Variants in SLCO5A1 observed in about 807,000 individuals in gnomAD.
SLCO5A1 encodes solute carrier organic anion transporter family member 5A1, also known as organic anion transporter polypeptide-related protein 4.
In SLCO5A1, 39 loss-of-function variants were observed where a neutral mutation model predicts 65.1. The ratio of observed to expected loss-of-function variants is 0.60; its 90% CI spans 0.46 to 0.78. The LOEUF is 0.78. Among genes scored for constraint, SLCO5A1 ranks in the 30% least tolerant of loss-of-function variants. The probability of loss-of-function intolerance (pLI) is 0.00; values close to 1 mark genes in which losing one functional copy is unlikely to be tolerated. For synonymous variants in SLCO5A1, 438 were observed against 415.7 expected, an observed-to-expected ratio of 1.05 and a Z score of -0.65; for missense variants, 1,029 against 1,069.4, an observed-to-expected ratio of 0.96 and a Z score of 0.53.
intron 2 of SLCO5A1, among the ~76,000 whole-genome samples, chr8:69,808,998 G>A (rs969609098): frequency 2.6e-5 from 4 of 152,136 alleles, no homozygotes; most frequent in African/African-American, 9.7e-5. Flanking sequence ...CAGCTACTCG[G>A]GAGGCTGAGG....
At chr8:69,673,845 A>G (rs1034446573) in intron 9 of SLCO5A1, among the ~76,000 whole-genome samples, 2 of 152,224 alleles carry the variant, frequency 1.3e-5, no homozygotes, top group African/African-American at 4.8e-5. Context: ...CAGAAACCAC[A>G]TAACATGGCA....
chr8:69,814,771 G>T (rs1241109493), intron 2 of SLCO5A1, among the ~76,000 whole-genome samples: 2 of 152,108 alleles, frequency 1.3e-5, no homozygotes, highest in African/African-American at 4.8e-5. Context: ...TATGGAATTA[G>T]CCCGTGTCCA....
chr8:69,790,718 G>C (rs897112511), intron 2 of SLCO5A1, among the ~76,000 whole-genome samples: 16 of 152,116 alleles, frequency 1.1e-4, no homozygotes, highest in African/African-American at 3.9e-4. Context: ...AGAATAATAT[G>C]CGGTTTTAAA....
At chr8:69,708,967 G>A (rs1355877065) in intron 5 of SLCO5A1, among the ~76,000 whole-genome samples, 1 of 152,158 alleles carries the variant, frequency 6.6e-6, no homozygotes, top group African/African-American at 2.4e-5. Context: ...ATAGACAACA[G>A]TATCAAGTGC....
At chr8:69,740,692 G>T (rs1452647491) in intron 4 of SLCO5A1, among the ~76,000 whole-genome samples, 1 of 152,132 alleles carries the variant, frequency 6.6e-6, no homozygotes, top group Non-Finnish European at 1.5e-5. Context: ...CTTTACAACT[G>T]GAGCAGAGAT....
chr8:69,711,882 A>G (rs1815282180), intron 5 of SLCO5A1, among the ~76,000 whole-genome samples: 1 of 125,900 alleles, frequency 7.9e-6, no homozygotes, highest in African/African-American at 3.1e-5. Flanking sequence ...TTTAACAAGC[A>G]TGAATTTCAT....
intron 2 of SLCO5A1, among the ~76,000 whole-genome samples, chr8:69,828,578 G>A (rs35780212): frequency 0.025 from 3,725 of 151,848 alleles, 86 homozygotes; most frequent in Middle Eastern, 0.058. Context: ...CTCCAGCCTG[G>A]GCGACAGAGC....
intron 9 of SLCO5A1, among the ~76,000 whole-genome samples, chr8:69,675,224 G>T (rs891537650): frequency 4.0e-5 from 6 of 150,474 alleles, no homozygotes; most frequent in African/African-American, 1.5e-4. Flanking sequence ...GCCCAGGCTG[G>T]AGTACAGTGG....
chr8:69,796,133 T>A (rs1819486724), intron 2 of SLCO5A1, among the ~76,000 whole-genome samples: 1 of 152,236 alleles, frequency 6.6e-6, no homozygotes, highest in Non-Finnish European at 1.5e-5. Context: ...CATGAAGGTC[T>A]CTGAAGTGCC....
chr8:69,826,236 T>C (rs1172204771), intron 2 of SLCO5A1, among the ~76,000 whole-genome samples: 5 of 151,650 alleles, frequency 3.3e-5, no homozygotes, highest in African/African-American at 7.3e-5. Flanking sequence ...ACTTCATGTC[T>C]AAAACACCAA....
intron 5 of SLCO5A1, among the ~76,000 whole-genome samples, chr8:69,717,733 T>C (rs530521781): frequency 6.6e-6 from 1 of 152,350 alleles, no homozygotes; most frequent in Non-Finnish European, 1.5e-5. Flanking sequence ...TCCATGAACA[T>C]GCAATGTCTT....
chr8:69,794,397 G>T, intron 2 of SLCO5A1: 1 of 441,930 alleles, frequency 2.3e-6, no homozygotes. Flanking sequence ...GGTGAATTTA[G>T]ACACCATCAG....
intron 4 of SLCO5A1, among the ~76,000 whole-genome samples, chr8:69,742,268 T>C (rs1816816795): frequency 6.6e-6 from 1 of 152,208 alleles, no homozygotes; most frequent in Admixed American, 6.5e-5. Context: ...TAAACCTTCC[T>C]AAATTTGCAA....
intron 2 of SLCO5A1, among the ~76,000 whole-genome samples, chr8:69,821,996 G>A (rs1407720906): frequency 2.6e-5 from 4 of 151,590 alleles, no homozygotes; most frequent in Non-Finnish European, 5.9e-5. Flanking sequence ...CGTGGTGGCA[G>A]GTGCCTGTAA....
chr8:69,817,010 G>A (rs1281125710), intron 2 of SLCO5A1, among the ~76,000 whole-genome samples: 1 of 152,174 alleles, frequency 6.6e-6, no homozygotes, highest in Non-Finnish European at 1.5e-5. Flanking sequence ...AACCTGGACA[G>A]ATCTCTTAAT....
chr8:69,779,909 C>T (rs1444893788), intron 2 of SLCO5A1, among the ~76,000 whole-genome samples: 2 of 151,968 alleles, frequency 1.3e-5, no homozygotes, highest in African/African-American at 2.4e-5. Flanking sequence ...ATTATATATA[C>T]AACAGGGGAC....
rs759103704 is a variant in SLCO5A1 at position 69,755,589 on chromosome 8, T to C, written c.1093A>G (p.Met365Val). Residue 365 changes from methionine (M) to valine (V), a missense_variant, in exon 4 of 10, where the codon ATG (methionine) becomes GTG (valine). Met to Val is a conservative substitution (Grantham distance 21, BLOSUM62 1). This residue lies in a region of SLCO5A1 where 647 missense variants were observed against 647.5 expected (regional missense o/e 1.00). Transcript: ENST00000260126. ...AIAMFLVIFP[M>V]FTFPKKLPPR... ...GGAAGCTTTTTTGGGAAAGTAAACA[T>C]TGGGAATATCACAAGAAACATTGCA... is the stretch of plus-strand genomic sequence containing the variant. The C allele has an allele frequency of 2.4e-5, 39 of 1,613,898 alleles. No individual in the cohort carries two copies. Among genetic ancestry groups the C allele is most frequent in the Non-Finnish European group, 3.1e-5 (36 of 1,179,988 alleles).
chr8:69,691,094 G>T (rs913862768), intron 6 of SLCO5A1, among the ~76,000 whole-genome samples: 1 of 152,164 alleles, frequency 6.6e-6, no homozygotes, highest in Non-Finnish European at 1.5e-5. Context: ...CTTAACCAAA[G>T]TTTTCATGGT....
intron 2 of SLCO5A1, among the ~76,000 whole-genome samples, chr8:69,783,800 G>A (rs1220756886): frequency 3.3e-5 from 5 of 152,044 alleles, no homozygotes; most frequent in African/African-American, 9.7e-5. Context: ...TGACCTATAC[G>A]GAGAATGAAA....
Sources: allele counts gnomAD v4.1 joint callset (sites outside exome capture counted in the v4.1 genomes callset), GRCh38; gene constraint gnomAD v4.1.1; regional missense constraint gnomAD v4.1.1; transcripts MANE v1.5; gene names NCBI Gene and HGNC (gene_info 2026-07-23, HGNC 2026-07-21).